Variants in MYLIP observed in about 807,000 individuals in gnomAD.
MYLIP encodes E3 ubiquitin-protein ligase MYLIP.
A neutral mutation model predicts 45.8 loss-of-function variants in MYLIP; 26 were observed. The observed-to-expected ratio is 0.57, with a 90% CI of 0.42 to 0.79. MYLIP has a LOEUF of 0.79. Ranked by LOEUF, MYLIP falls within the 30% of genes least tolerant of loss-of-function variation. The pLI is 0.00. For missense variants in MYLIP, 494 were observed against 555.6 expected, an observed-to-expected ratio of 0.89 and a Z score of 1.11; for synonymous variants, 213 against 218.1, an observed-to-expected ratio of 0.98 and a Z score of 0.21.
In MYLIP at chr6:16,147,185, T is replaced by C. The variant is rs941789178; in HGVS notation, c.*434T>C. 6.4e-6 allele frequency: 1 copy of C among 156,796 alleles called. No individual in the cohort carries two copies. The highest frequency in any genetic ancestry group is 6.2e-5 in the Admixed American group (1 of 16,220). 9.7% of individuals were successfully genotyped at this position (156,796 alleles called of 1,614,324 possible). On this transcript the variant is annotated 3_prime_UTR_variant, in exon 7 of 7. Coordinates refer to ENST00000356840, the MANE Select transcript of MYLIP (RefSeq NM_013262.4). ...TTTTAAGAATTTCATTCTTTTTGTA[T>C]GGTCATGGAGCTCCAACCATTTTTA...
At chr6:16,144,296 C>G (rs1202649564) in intron 5 of MYLIP, among the ~76,000 whole-genome samples, 4 of 152,176 alleles carry the variant, frequency 2.6e-5, no homozygotes, top group African/African-American at 9.7e-5. Context: ...CCCTGAGGGA[C>G]TGGGCCTGCT....
chr6:16,141,865 A>C, intron 3 of MYLIP, 55 bp downstream of exon 3: 1 of 1,465,026 alleles, frequency 6.8e-7, no homozygotes, highest in Non-Finnish European at 9.2e-7. Flanking sequence ...AAACAGGATG[A>C]AACTAAGGTT....
chr6:16,145,397 C>A, intron 6 of MYLIP, 80 bp downstream of exon 6: 1 of 1,463,066 alleles, frequency 6.8e-7, no homozygotes, highest in Non-Finnish European at 9.2e-7. Flanking sequence ...CAGGTACTGG[C>A]TCGCTAATGC....
the MYLIP span, among the ~76,000 whole-genome samples, chr6:16,153,309 A>G: frequency 1.3e-5 from 2 of 152,244 alleles, no homozygotes; most frequent in Non-Finnish European, 2.9e-5. Context: ...ACAGCTTATT[A>G]GTAACATCTT....
the MYLIP span, among the ~76,000 whole-genome samples, chr6:16,153,422 A>AT: frequency 4.1e-4 from 62 of 152,192 alleles, no homozygotes; most frequent in African/African-American, 1.4e-3. Context: ...TCCTAGGAGG[A>AT]TTTTCCCCAT....
the MYLIP span, among the ~76,000 whole-genome samples, chr6:16,161,853 A>G: frequency 6.6e-6 from 1 of 152,224 alleles, no homozygotes; most frequent in Non-Finnish European, 1.5e-5. Flanking sequence ...GGCTTTCAAG[A>G]TTTAATAATC....
the MYLIP span, among the ~76,000 whole-genome samples, chr6:16,156,101 T>G: frequency 6.6e-6 from 1 of 152,308 alleles, no homozygotes; most frequent in East Asian, 1.9e-4. Context: ...CCCTCTGATG[T>G]CAAGCTGCTT....
chr6:16,153,207 T>C (rs1278545442), downstream of MYLIP, among the ~76,000 whole-genome samples: 1 of 152,228 alleles, frequency 6.6e-6, no homozygotes, highest in Non-Finnish European at 1.5e-5. Context: ...TAATGTGCCC[T>C]AGAGATGGGA....
At chr6:16,146,488 TA>T (rs1759792234) in intron 6 of MYLIP, among the ~76,000 whole-genome samples, 173 bp from the exon 7 acceptor site, 1 of 152,230 alleles carries the variant, frequency 6.6e-6, no homozygotes, top group Admixed American at 6.5e-5. Context: ...TTGTAAAGTA[TA>T]AACTTTCAAC....
chr6:16,160,240 C>A, the MYLIP span, among the ~76,000 whole-genome samples: 3 of 152,204 alleles, frequency 2.0e-5, no homozygotes, highest in Non-Finnish European at 4.4e-5. Flanking sequence ...ATATATACCA[C>A]AAAGAGTGAA....
chr6:16,161,776 A>C, the MYLIP span, among the ~76,000 whole-genome samples: 4,633 of 152,302 alleles, frequency 0.03, 233 homozygotes, highest in African/African-American at 0.1. Context: ...TTATCCGTAC[A>C]ATTTATACCA....
At position 16,143,092 on chromosome 6, in the gene MYLIP, G is replaced by T; in HGVS notation, c.537G>T (p.Val179=). ...CTGAATACCAAGTTTTGCAGATTGT[G>T]TCGGCAATGGAAAACTATGGCATAG... is the stretch of plus-strand genomic sequence containing the variant. ...ASAEYQVLQI[V]SAMENYGIEW... Residue 179 remains valine (V), a synonymous_variant, in exon 4 of 7, where the codon GTG becomes GTT. Transcript: ENST00000356840. 1.2e-6 allele frequency: 2 copies of T among 1,614,196 alleles called. No homozygotes were observed. The highest frequency in any genetic ancestry group is 4.5e-5 in the East Asian group (2 of 44,876).
chr6:16,158,845 G>A, the MYLIP span, among the ~76,000 whole-genome samples: 1 of 152,190 alleles, frequency 6.6e-6, no homozygotes, highest in Non-Finnish European at 1.5e-5. Flanking sequence ...ACTCCAGCCT[G>A]GGCGGCAGAG....
intron 4 of MYLIP, among the ~76,000 whole-genome samples, chr6:16,143,456 T>C (rs1309480554): frequency 2.6e-5 from 4 of 152,194 alleles, no homozygotes; most frequent in African/African-American, 9.7e-5. Context: ...AAAAAACTTG[T>C]TTTCAGCTCT....
the MYLIP span, among the ~76,000 whole-genome samples, chr6:16,157,564 G>A: frequency 6.6e-6 from 1 of 152,258 alleles, no homozygotes. Flanking sequence ...ACTCATAGGA[G>A]CCTAGAGATC....
intron 1 of MYLIP, 97 bp from the exon 2 acceptor site, chr6:16,130,460 T>C (rs1759435278): frequency 7.8e-7 from 1 of 1,275,700 alleles, no homozygotes; most frequent in Non-Finnish European, 1.1e-6. Flanking sequence ...CCATTGAACT[T>C]TGTAAAAAGC....
intron 3 of MYLIP, among the ~76,000 whole-genome samples, chr6:16,142,794 C>T (rs940225291): frequency 3.3e-5 from 5 of 152,212 alleles, no homozygotes; most frequent in African/African-American, 1.2e-4. Context: ...CATCACCCAT[C>T]CAGCATCCCC....
intron 3 of MYLIP, among the ~76,000 whole-genome samples, chr6:16,142,214 TG>T (rs1362215745): frequency 6.6e-6 from 1 of 152,262 alleles, no homozygotes; most frequent in Non-Finnish European, 1.5e-5. Flanking sequence ...AAGTTAAGAC[TG>T]GGCCATTGCC....
chr6:16,145,901 G>A (rs1759780717), intron 6 of MYLIP, among the ~76,000 whole-genome samples: 1 of 152,188 alleles, frequency 6.6e-6, no homozygotes, highest in South Asian at 2.1e-4. Flanking sequence ...TTTCTTGCAT[G>A]AAGAAGAATT....
Sources: allele counts gnomAD v4.1 joint callset (sites outside exome capture counted in the v4.1 genomes callset), GRCh38; gene constraint gnomAD v4.1.1; transcripts MANE v1.5; gene names NCBI Gene and HGNC (gene_info 2026-07-23, HGNC 2026-07-21).